The following RIF1 variants were observed in gnomAD, a reference collection of about 807,000 sequenced individuals.
RIF1 encodes replication timing regulatory factor 1.
Under a neutral mutation model 247.1 loss-of-function variants are expected in RIF1, and 45 were observed. The ratio of observed to expected loss-of-function variants is 0.18; its 90% confidence interval spans 0.14 to 0.23. RIF1 has a LOEUF of 0.23. Among genes scored for constraint, RIF1 ranks in the 10% least tolerant of loss-of-function variants. The probability of loss-of-function intolerance (pLI) is 1.00; values close to 1 mark genes in which losing one functional copy is unlikely to be tolerated. For missense variants in RIF1, 2,967 were observed against 2,862.5 expected, an observed-to-expected ratio of 1.04 and a Z score of -0.83; for synonymous variants, 1,087 against 978.8, an observed-to-expected ratio of 1.11 and a Z score of -2.06.
At chr2:151,458,391 C>G (rs1051454737) in intron 24 of RIF1, among the ~76,000 whole-genome samples, 1 of 151,802 alleles carries the variant, frequency 6.6e-6, no homozygotes, top group Non-Finnish European at 1.5e-5. Context: ...TGCCACCATG[C>G]CTGGCTAATT....
chr2:151,422,942 G>A lies in RIF1; in HGVS notation c.694-8G>A, dbSNP rs375999794. ...TCTGTTTGGTAAATTAATTGCTTTT[G>A]TTTGCAGAAATTAATCTCAGAACTT... On this transcript the variant is annotated splice_region_variant and splice_polypyrimidine_tract_variant and intron_variant, in intron 7 of 35. Transcript: ENST00000444746. 692 of 1,457,600 alleles carry A rather than the reference G, an allele frequency of 4.7e-4. 3 individuals carry two copies. The highest frequency in any genetic ancestry group is 5.6e-4 in the Non-Finnish European group (590 of 1,048,766). The allele number at this position is 1,457,600 out of a possible 1,614,324, so 90.3% of individuals were successfully genotyped here.
intron 8 of RIF1, among the ~76,000 whole-genome samples, chr2:151,424,653 A>C (rs183779937): frequency 6.6e-6 from 1 of 151,628 alleles, no homozygotes. Flanking sequence ...TCTATGCTTA[A>C]CTTTTTGAGA....
At chr2:151,442,798 G>A (rs1692579358) in intron 16 of RIF1, among the ~76,000 whole-genome samples, 1 of 118,150 alleles carries the variant, frequency 8.5e-6, no homozygotes, top group African/African-American at 3.2e-5. Flanking sequence ...TTTTGAGACA[G>A]AGTCAGGCTG....
Position 151,475,982 on chromosome 2 carries a change from T to C in RIF1, c.*911T>C, listed in dbSNP as rs1392927154. ...CTGTATCTGCAAATGCAACAACAAATAGTTTTGTACTTGGTTAACAGTCTT... is the reference window on the plus strand; with the variant it reads ...CTGTATCTGCAAATGCAACAACAAACAGTTTTGTACTTGGTTAACAGTCTT... On this transcript the variant is annotated 3_prime_UTR_variant, in exon 36 of 36. Coordinates refer to ENST00000444746, the MANE Select transcript of RIF1 (RefSeq NM_018151.5). 1.3e-5 allele frequency: 2 copies of C among 152,594 alleles called. No homozygotes were observed. Among genetic ancestry groups the C allele is most frequent in the African/African-American group, 4.8e-5 (2 of 41,450 alleles). 9.5% of individuals were successfully genotyped at this position (152,594 alleles called of 1,614,324 possible). A position where few individuals can be genotyped will look rare whatever the true frequency, so the allele number is the denominator to read the frequency against.
intron 3 of RIF1, among the ~76,000 whole-genome samples, chr2:151,414,602 C>T (rs1399969333): frequency 2.6e-5 from 4 of 152,182 alleles, no homozygotes; most frequent in Non-Finnish European, 4.4e-5. Context: ...TATCTTCATT[C>T]AGGTGATCTC....
intron 20 of RIF1, among the ~76,000 whole-genome samples, chr2:151,447,609 G>C (rs764925263): frequency 3.3e-5 from 5 of 152,122 alleles, no homozygotes; most frequent in African/African-American, 1.2e-4. Flanking sequence ...GCAGTGGCAC[G>C]ATCTCAGCTC....
At chr2:151,507,773 T>A (rs1455397606) in exon 14 of RIF1, 2 of 484,354 alleles carry the variant, frequency 4.1e-6, no homozygotes, top group African/African-American at 3.8e-5. Context: ...AAAGATACTA[T>A]ATTTTCTCCC....
At chr2:151,453,579 C>CAAAAAAAAAAAAAAAA (rs59661470) in intron 21 of RIF1, among the ~76,000 whole-genome samples, 1 of 72,920 alleles carries the variant, frequency 1.4e-5, no homozygotes, top group Non-Finnish European at 2.7e-5. Flanking sequence ...GACTCTGTCT[C>CAAAAAAAAAAAAAAAA]AAAAAAAAAA....
the RIF1 span, chr2:151,527,546 A>G: frequency 1.2e-6 from 2 of 1,613,398 alleles, no homozygotes; most frequent in Non-Finnish European, 1.7e-6. Flanking sequence ...GTCCACTTCC[A>G]GTGGGCTTTG....
chr2:151,503,012 A>G, intron 11 of RIF1: 1 of 630,498 alleles, frequency 1.6e-6, no homozygotes, highest in Non-Finnish European at 2.8e-6. Flanking sequence ...TAGTAAGGAT[A>G]ATGTTTTTAC....
At chr2:151,436,247 AAAC>A (rs1259790179) in intron 11 of RIF1, among the ~76,000 whole-genome samples, 1 of 151,858 alleles carries the variant, frequency 6.6e-6, no homozygotes, top group Admixed American at 6.6e-5. Context: ...AATAAAACAA[AAAC>A]AACACTTCAG....
At position 151,462,229 on chromosome 2, in the gene RIF1, T is replaced by C; in HGVS notation, c.3228-13T>C. 6.6e-7 allele frequency: 1 copy of C among 1,515,986 alleles called. No individual in the cohort carries two copies. Among genetic ancestry groups the C allele is most frequent in the Non-Finnish European group, 9.0e-7 (1 of 1,111,236 alleles). The allele number at this position is 1,515,986 out of a possible 1,614,324, so 93.9% of individuals were successfully genotyped here. Reference sequence around the variant, plus strand: ...TCCGGTTTTTGAAGTTACTTATATATAGTTTTTTTCAGGTGTGATATTCCT... The same window carrying C: ...TCCGGTTTTTGAAGTTACTTATATACAGTTTTTTTCAGGTGTGATATTCCT... On this transcript the variant is annotated splice_polypyrimidine_tract_variant and intron_variant, in intron 27 of 35. Coordinates refer to ENST00000444746, the MANE Select transcript of RIF1 (RefSeq NM_018151.5).
At chr2:151,499,061 G>GTT (rs1207028358) in intron 10 of RIF1, among the ~76,000 whole-genome samples, 1 of 152,016 alleles carries the variant, frequency 6.6e-6, no homozygotes, top group East Asian at 1.9e-4. Context: ...CACTGAGAAT[G>GTT]TTACATTTGT....
chr2:151,490,194 G>T, intron 9 of RIF1: 1 of 1,175,016 alleles, frequency 8.5e-7, no homozygotes, highest in East Asian at 2.4e-5. Context: ...TCCAAAAAGA[G>T]AAATCAAAGA....
chr2:151,505,213 A>T (rs1032298984), intron 12 of RIF1, among the ~76,000 whole-genome samples: 3 of 152,158 alleles, frequency 2.0e-5, no homozygotes, highest in Non-Finnish European at 4.4e-5. Context: ...TGGCATGATA[A>T]TTAATTAAGA....
rs1441879070 is a variant in RIF1, at chr2:151,481,329, TAC to T, written c.*6260_*6261del. ...TTACGTGTTTTACTATTGCTCAAATTACAGATACTAGGAAACACTACTACTTT... is the reference window on the plus strand; with the variant it reads ...TTACGTGTTTTACTATTGCTCAAATTAGATACTAGGAAACACTACTACTTT... On this transcript the variant is annotated 3_prime_UTR_variant, in exon 36 of 36. Transcript: ENST00000444746. 2.0e-5 allele frequency: 3 copies of T among 152,230 alleles called. No homozygotes were observed. The highest frequency in any genetic ancestry group is 7.2e-5 in the African/African-American group (3 of 41,460). 9.4% of individuals were successfully genotyped at this position (152,230 alleles called of 1,614,324 possible). A position where few individuals can be genotyped will look rare whatever the true frequency, so the allele number is the denominator to read the frequency against.
the RIF1 span, chr2:151,527,483 C>T: frequency 1.9e-4 from 304 of 1,610,212 alleles, 2 homozygotes; most frequent in Admixed American, 4.8e-3. Context: ...TGTCTTACAT[C>T]GCTTTGCTGC....
intron 9 of RIF1, chr2:151,494,106 A>G (rs2058549616): frequency 6.9e-7 from 1 of 1,443,360 alleles, no homozygotes; most frequent in African/African-American, 1.4e-5. Context: ...GAGCAGGCCA[A>G]ACTGCAAGAG....
In RIF1 at chr2:151,463,512, T is replaced by C; in HGVS notation, c.3992T>C (p.Leu1331Ser). 1.9e-6 allele frequency: 3 copies of C among 1,614,110 alleles called. No individual in the cohort carries two copies. The South Asian group carries it at 3.3e-5, about 18-fold the overall frequency. ...IVVLENNPPG[L>S]LNQTECVSDN... The stretch of plus-strand genomic sequence containing the variant: ...GTCTTAGAAAATAACCCACCTGGTT[T>C]GCTTAATCAAACAGAATGTGTGTCA... The change falls in exon 30 of 36, where the codon TTG (leucine) becomes TCG (serine). Residue 1331 changes from leucine to serine, a missense_variant. By Grantham distance (145) the Leu-to-Ser change is moderately radical. Around this residue, in one of 7 missense-constraint regions of RIF1, gnomAD observed 2,028 missense variants for 1,825.6 expected, o/e 1.11. Transcript: ENST00000444746.
Sources: allele counts gnomAD v4.1 joint callset (sites outside exome capture counted in the v4.1 genomes callset), GRCh38; gene constraint gnomAD v4.1.1; regional missense constraint gnomAD v4.1.1; transcripts MANE v1.5; gene names NCBI Gene and HGNC (gene_info 2026-07-23, HGNC 2026-07-21).